RBMS3: variants seen among roughly 807,000 people sequenced by gnomAD.
The protein encoded by RBMS3 is RNA-binding motif, single-stranded-interacting protein 3.
Under a neutral mutation model 66.8 loss-of-function variants are expected in RBMS3, and 27 were observed. The ratio of observed to expected loss-of-function variants is 0.40; its 90% CI spans 0.30 to 0.56. RBMS3 has a LOEUF of 0.56. RBMS3 is among the 20% of genes least tolerant of loss of function. The pLI, the probability that RBMS3 is intolerant of heterozygous loss-of-function variation, is 0.40. For synonymous variants in RBMS3, 188 were observed against 183.0 expected (o/e 1.03, Z -0.22); for missense variants, 513 against 549.5 (o/e 0.93, Z 0.66).
intron 12 of RBMS3, among the ~76,000 whole-genome samples, chr3:29,987,731 C>G (rs1698528207): frequency 6.6e-6 from 1 of 152,000 alleles, no homozygotes; most frequent in Non-Finnish European, 1.5e-5. Context: ...TTTATATGAT[C>G]ATTCATTCAA....
At chr3:29,363,004 C>T (rs148644757) in intron 1 of RBMS3, among the ~76,000 whole-genome samples, 19 of 152,238 alleles carry the variant, frequency 1.2e-4, no homozygotes, top group African/African-American at 3.9e-4. Context: ...AGAAATTTTG[C>T]CCCTCTCATC....
rs1470011469 is a variant in RBMS3, at chr3:29,354,004, C to T, written c.75+72248C>T. 3.3e-5 allele frequency among the ~76,000 whole-genome samples: 5 copies of T among 152,048 alleles called. No individual in the cohort carries two copies. In the East Asian group the frequency reaches 7.7e-4, roughly 23 times the overall value. On this transcript the variant is annotated intron_variant, in intron 1 of 14. Coordinates refer to ENST00000383767, the MANE Select transcript of RBMS3 (RefSeq NM_001003793.3). Reference sequence around the variant, plus strand: ...TCTGGAAACTTTGCCAGTAATTCTTCTAGTCTCCAGGAAAAGTGAAAGCCT... The same window carrying T: ...TCTGGAAACTTTGCCAGTAATTCTTTTAGTCTCCAGGAAAAGTGAAAGCCT...
intron 2 of RBMS3, among the ~76,000 whole-genome samples, chr3:29,471,714 CTTAGTT>C (rs1267609105): frequency 4.2e-4 from 53 of 125,610 alleles, no homozygotes; most frequent in African/African-American, 1.4e-3. Flanking sequence ...ATCATGAGGA[CTTAGTT>C]TTTTTTTTTT....
At chr3:29,392,144 G>A (rs1002745677) in intron 1 of RBMS3, among the ~76,000 whole-genome samples, 1 of 152,142 alleles carries the variant, frequency 6.6e-6, no homozygotes, top group African/African-American at 2.4e-5. Flanking sequence ...CAGCTACTCG[G>A]GAGGCTGAGG....
intron 4 of RBMS3, among the ~76,000 whole-genome samples, chr3:29,735,793 T>C (rs2054353863): frequency 6.6e-6 from 1 of 152,190 alleles, no homozygotes; most frequent in Non-Finnish European, 1.5e-5. Flanking sequence ...CATCAGATTA[T>C]CATCTATTTC....
intron 3 of RBMS3, among the ~76,000 whole-genome samples, chr3:29,529,612 T>C (rs544654184): frequency 1.7e-4 from 26 of 152,294 alleles, no homozygotes; most frequent in African/African-American, 5.5e-4. Context: ...TTTTTAAATA[T>C]AAAATACATT....
At chr3:29,348,711 C>A (rs943479154) in intron 1 of RBMS3, among the ~76,000 whole-genome samples, 3 of 152,124 alleles carry the variant, frequency 2.0e-5, no homozygotes, top group African/African-American at 7.2e-5. Context: ...CGTAAACTCC[C>A]TGAGCTCCAA....
intron 3 of RBMS3, among the ~76,000 whole-genome samples, chr3:29,583,079 C>T (rs1461256311): frequency 6.6e-6 from 1 of 152,120 alleles, no homozygotes; most frequent in Non-Finnish European, 1.5e-5. Flanking sequence ...AAGGGCCAAC[C>T]TCTCTCTCCT....
intron 1 of RBMS3, among the ~76,000 whole-genome samples, chr3:29,416,795 G>A (rs1011273239): frequency 2.0e-5 from 3 of 152,166 alleles, no homozygotes; most frequent in Admixed American, 6.5e-5. Flanking sequence ...AACACTGGAA[G>A]GATGTGGGAA....
intron 4 of RBMS3, among the ~76,000 whole-genome samples, chr3:29,657,666 C>T (rs1390053343): frequency 1.3e-5 from 2 of 152,044 alleles, no homozygotes; most frequent in Non-Finnish European, 2.9e-5. Flanking sequence ...TGTAATATAA[C>T]GATAAAATGA....
intron 4 of RBMS3, among the ~76,000 whole-genome samples, chr3:29,728,948 T>A (rs976946921): frequency 6.6e-6 from 1 of 152,074 alleles, no homozygotes; most frequent in African/African-American, 2.4e-5. Flanking sequence ...ACATTTTGTA[T>A]CAAAGTTGTG....
At chr3:29,425,980 CTCTGAT>C (rs1314253621) in intron 1 of RBMS3, among the ~76,000 whole-genome samples, 5 of 152,148 alleles carry the variant, frequency 3.3e-5, no homozygotes, top group Admixed American at 1.3e-4. Context: ...CTGGAGAATG[CTCTGAT>C]TCTAACAATT....
At chr3:29,706,856 G>A (rs2052919491) in intron 4 of RBMS3, among the ~76,000 whole-genome samples, 1 of 152,126 alleles carries the variant, frequency 6.6e-6, no homozygotes, top group African/African-American at 2.4e-5. Flanking sequence ...GAGAACTGAA[G>A]TCCCCAAAGA....
chr3:29,584,131 A>G lies in RBMS3; in HGVS notation c.308-2983A>G, dbSNP rs543274664. Among the ~76,000 whole-genome samples, 138 of 152,222 alleles carry G rather than the reference A, an allele frequency of 9.1e-4. 1 individual carries two copies. The Middle Eastern group carries it at 0.017, about 19-fold the overall frequency. On this transcript the variant is annotated intron_variant, in intron 3 of 14. Transcript: ENST00000383767. ...TTGCCTAAAGCAAATCATGATAGTG[A>G]CATCATGTTTCTAAAGACACTGGGC...
chr3:29,695,841 A>T (rs915260910), intron 4 of RBMS3, among the ~76,000 whole-genome samples: 3 of 152,182 alleles, frequency 2.0e-5, no homozygotes, highest in African/African-American at 7.2e-5. Context: ...TTTAGCCAAA[A>T]ATGTAAACCA....
intron 4 of RBMS3, among the ~76,000 whole-genome samples, chr3:29,657,000 T>C (rs949388406): frequency 2.0e-5 from 3 of 152,158 alleles, no homozygotes; most frequent in African/African-American, 7.2e-5. Context: ...GCAAACGCGA[T>C]AAGAATGCAG....
chr3:29,974,801 G>GTTTCTATA lies in RBMS3; in HGVS notation c.1099-13339_1099-13338insCTATATTT, dbSNP rs1553711532. On this transcript the variant is annotated intron_variant, in intron 12 of 14. Coordinates refer to ENST00000383767, the MANE Select transcript of RBMS3 (RefSeq NM_001003793.3). ...GTTTTATATTTTATATATAAAATAC[G>GTTTCTATA]TTTATATATTTTATATATAAAATAC... 1.6e-4 allele frequency among the ~76,000 whole-genome samples: 20 copies of GTTTCTATA among 126,530 alleles called. 1 individual carries two copies. The highest frequency in any genetic ancestry group is 5.4e-4 in the African/African-American group (18 of 33,446). The allele number at this position is 126,530 out of a possible 152,430, so 83.0% of individuals were successfully genotyped here. A position where few individuals can be genotyped will look rare whatever the true frequency, so the allele number is the denominator to read the frequency against.
At chr3:29,844,188 A>C (rs1306596044) in intron 6 of RBMS3, among the ~76,000 whole-genome samples, 1 of 152,160 alleles carries the variant, frequency 6.6e-6, no homozygotes, top group Non-Finnish European at 1.5e-5. Context: ...TCTAATTGTA[A>C]AATAACTGAA....
At chr3:29,989,715 A>G in intron 13 of RBMS3, among the ~76,000 whole-genome samples, 1 of 152,230 alleles carries the variant, frequency 6.6e-6, no homozygotes, top group East Asian at 1.9e-4. Flanking sequence ...TTCTAGACCT[A>G]TAGGTCTCAA....
Sources: gnomAD v4.1 joint callset for allele counts (sites outside exome capture counted in the v4.1 genomes callset) on GRCh38, gnomAD v4.1.1 for gene constraint, MANE v1.5 for transcripts, NCBI Gene and HGNC (gene_info 2026-07-23, HGNC 2026-07-21) for gene names.